Variants in KCNH8 observed in about 807,000 individuals in gnomAD.
KCNH8 encodes voltage-gated delayed rectifier potassium channel KCNH8.
A neutral mutation model predicts 103.6 loss-of-function variants in KCNH8; 70 were observed. The observed-to-expected ratio is 0.68, with a 90% confidence interval of 0.56 to 0.82. The LOEUF (loss-of-function observed/expected upper bound fraction) is 0.82. Ranked by LOEUF, KCNH8 falls within the 40% of genes least tolerant of loss-of-function variation. The probability of loss-of-function intolerance (pLI) is 0.00; values close to 1 mark genes in which losing one functional copy is unlikely to be tolerated. For missense variants in KCNH8, 1,217 were observed against 1,329.9 expected, an observed-to-expected ratio of 0.92 and a Z score of 1.32; for synonymous variants, 498 against 489.4, an observed-to-expected ratio of 1.02 and a Z score of -0.23.
At chr3:19,195,085 C>A (rs2063587880) in intron 1 of KCNH8, among the ~76,000 whole-genome samples, 2 of 151,802 alleles carry the variant, frequency 1.3e-5, no homozygotes, top group African/African-American at 4.8e-5. Context: ...CCAATAACTT[C>A]TATAATCAAA....
intron 1 of KCNH8, among the ~76,000 whole-genome samples, chr3:19,177,031 A>G (rs2063407061): frequency 6.6e-6 from 1 of 152,146 alleles, no homozygotes; most frequent in Non-Finnish European, 1.5e-5. Flanking sequence ...TATCTAACAC[A>G]TGTGTTTTCT....
intron 6 of KCNH8, 90 bp from the exon 7 acceptor site, chr3:19,395,014 T>C (rs1559306773): frequency 2.2e-6 from 2 of 900,504 alleles, no homozygotes. Context: ...TTATACTTCA[T>C]TTCCAGAATT....
chr3:19,297,553 A>G (rs2065012305), intron 3 of KCNH8, among the ~76,000 whole-genome samples: 1 of 152,198 alleles, frequency 6.6e-6, no homozygotes, highest in Non-Finnish European at 1.5e-5. Context: ...AGTGACATAT[A>G]TTCCTATTAG....
At chr3:19,475,258 A>G (rs2067948267) in intron 11 of KCNH8, among the ~76,000 whole-genome samples, 3 of 152,232 alleles carry the variant, frequency 2.0e-5, no homozygotes. Context: ...CTTCATGTGT[A>G]TAACTGAATG....
At chr3:19,302,058 G>A (rs1480777637) in intron 3 of KCNH8, among the ~76,000 whole-genome samples, 1 of 152,024 alleles carries the variant, frequency 6.6e-6, no homozygotes, top group Admixed American at 6.6e-5. Context: ...TTTTGATGGC[G>A]GTTCCGTTAT....
At chr3:19,429,730 C>T (rs1342754689) in intron 7 of KCNH8, among the ~76,000 whole-genome samples, 1 of 152,136 alleles carries the variant, frequency 6.6e-6, no homozygotes, top group Non-Finnish European at 1.5e-5. Flanking sequence ...CTCCTCCTAC[C>T]CTCTGCCCTC....
chr3:19,310,115 C>T (rs1286752870), intron 3 of KCNH8, among the ~76,000 whole-genome samples: 12 of 151,842 alleles, frequency 7.9e-5, no homozygotes, highest in African/African-American at 1.9e-4. Flanking sequence ...ATAGTAGTTA[C>T]GTCTATTTAA....
chr3:19,464,426 A>G (rs1237719110), intron 11 of KCNH8, among the ~76,000 whole-genome samples: 1 of 152,142 alleles, frequency 6.6e-6, no homozygotes, highest in East Asian at 1.9e-4. Flanking sequence ...AGAAAAAACA[A>G]TAAAGTTTCT....
intron 1 of KCNH8, among the ~76,000 whole-genome samples, chr3:19,188,116 G>A (rs1285954003): frequency 6.6e-6 from 1 of 151,918 alleles, no homozygotes; most frequent in Non-Finnish European, 1.5e-5. Context: ...CTACTCATTT[G>A]TTTGCATATT....
At chr3:19,346,470 T>C (rs2065731057) in intron 4 of KCNH8, among the ~76,000 whole-genome samples, 2 of 152,058 alleles carry the variant, frequency 1.3e-5, no homozygotes, top group Non-Finnish European at 2.9e-5. Context: ...CATTATGAGA[T>C]GCCTGTGTGG....
intron 12 of KCNH8, among the ~76,000 whole-genome samples, chr3:19,512,454 C>A (rs2068798925): frequency 6.6e-6 from 1 of 152,282 alleles, no homozygotes; most frequent in Middle Eastern, 3.4e-3. Flanking sequence ...TACTTCTGAT[C>A]TTCTTCCATT....
chr3:19,527,198 G>A (rs190294797), intron 15 of KCNH8, among the ~76,000 whole-genome samples: 11 of 152,100 alleles, frequency 7.2e-5, no homozygotes, highest in East Asian at 1.9e-4. Flanking sequence ...TCCAGGCAAA[G>A]CAATACTAAA....
chr3:19,423,019 T>C (rs2066973422), intron 7 of KCNH8, among the ~76,000 whole-genome samples: 1 of 152,130 alleles, frequency 6.6e-6, no homozygotes, highest in Admixed American at 6.6e-5. Flanking sequence ...TTTATAATTG[T>C]TACATCATAG....
chr3:19,309,991 T>C (rs1178342021), intron 3 of KCNH8, among the ~76,000 whole-genome samples: 2 of 151,938 alleles, frequency 1.3e-5, no homozygotes, highest in Non-Finnish European at 2.9e-5. Context: ...ATCTTGTACA[T>C]GCAGGAAGCT....
chr3:19,163,541 C>G (rs1414882767), intron 1 of KCNH8, among the ~76,000 whole-genome samples: 1 of 151,962 alleles, frequency 6.6e-6, no homozygotes. Flanking sequence ...TTGCCAAGCA[C>G]AAATTTCCAA....
At chr3:19,192,164 A>G (rs1256507619) in intron 1 of KCNH8, among the ~76,000 whole-genome samples, 2 of 151,608 alleles carry the variant, frequency 1.3e-5, no homozygotes, top group Non-Finnish European at 3.0e-5. Context: ...TTTGGGGGGA[A>G]CAATAACCTT....
chr3:19,375,885 C>T (rs1196411367), intron 5 of KCNH8, among the ~76,000 whole-genome samples: 1 of 152,184 alleles, frequency 6.6e-6, no homozygotes, highest in Non-Finnish European at 1.5e-5. Context: ...TCAGTGTGCC[C>T]TTGCTGGGGG....
chr3:19,440,475 C>A (rs983134553), intron 8 of KCNH8, among the ~76,000 whole-genome samples: 1 of 152,182 alleles, frequency 6.6e-6, no homozygotes, highest in African/African-American at 2.4e-5. Flanking sequence ...AGAGCACAAG[C>A]ACATTTCACA....
At chr3:19,171,837 A>G (rs889894244) in intron 1 of KCNH8, among the ~76,000 whole-genome samples, 11 of 152,188 alleles carry the variant, frequency 7.2e-5, no homozygotes, top group African/African-American at 2.7e-4. Flanking sequence ...AGTCACATGC[A>G]ATTTTACTAT....
Sources: gnomAD v4.1 joint callset for allele counts (sites outside exome capture counted in the v4.1 genomes callset) on GRCh38, gnomAD v4.1.1 for gene constraint, MANE v1.5 for transcripts, NCBI Gene and HGNC (gene_info 2026-07-23, HGNC 2026-07-21) for gene names.